PRKCQ: variants seen among roughly 807,000 people sequenced by gnomAD.
PRKCQ encodes the protein protein kinase C theta.
PRKCQ carries 41 observed loss-of-function variants against 91.2 expected under a neutral mutation model. The observed-to-expected ratio is 0.45, with a 90% CI of 0.35 to 0.58. PRKCQ has a LOEUF of 0.58. PRKCQ is among the 20% of genes least tolerant of loss of function. The pLI is 0.00. For missense variants in PRKCQ, 673 were observed against 896.5 expected, an observed-to-expected ratio of 0.75 and a Z score of 3.18; for synonymous variants, 307 against 316.9, an observed-to-expected ratio of 0.97 and a Z score of 0.33.
chr10:6,397,866 A>G, the PRKCQ span, among the ~76,000 whole-genome samples: 1 of 152,198 alleles, frequency 6.6e-6, no homozygotes, highest in South Asian at 2.1e-4. Flanking sequence ...TGGAGGTTGT[A>G]GTGAGCTGAG....
intron 16 of PRKCQ, among the ~76,000 whole-genome samples, chr10:6,434,125 C>T (rs970881268): frequency 5.3e-5 from 8 of 151,074 alleles, no homozygotes; most frequent in Non-Finnish European, 8.8e-5. Flanking sequence ...AATGATTGGT[C>T]TCTGCTTCTT....
chr10:6,551,815 T>A (rs1382631228), intron 1 of PRKCQ, among the ~76,000 whole-genome samples: 1 of 152,252 alleles, frequency 6.6e-6, no homozygotes, highest in Non-Finnish European at 1.5e-5. Context: ...GAACGATTTC[T>A]ATTCCTTCGG....
At chr10:6,494,119 C>A (rs1837464221) in intron 7 of PRKCQ, among the ~76,000 whole-genome samples, 1 of 152,168 alleles carries the variant, frequency 6.6e-6, no homozygotes, top group Non-Finnish European at 1.5e-5. Flanking sequence ...AGCCATCAAA[C>A]TCCATGGGGG....
chr10:6,458,650 C>A (rs1215369994), intron 14 of PRKCQ, among the ~76,000 whole-genome samples: 1 of 152,126 alleles, frequency 6.6e-6, no homozygotes, highest in Non-Finnish European at 1.5e-5. Flanking sequence ...GCTGGCTCCG[C>A]CTCACCATTT....
At chr10:6,446,149 C>T (rs1156337352) in intron 15 of PRKCQ, among the ~76,000 whole-genome samples, 1 of 152,068 alleles carries the variant, frequency 6.6e-6, no homozygotes. Context: ...TAAGAACCCC[C>T]CTGAGCTAGG....
chr10:6,516,307 G>A (rs585881), intron 1 of PRKCQ, among the ~76,000 whole-genome samples: 113,326 of 152,076 alleles, frequency 0.75, 43,009 homozygotes, highest in Admixed American at 0.85. Context: ...AGCTTTTGAC[G>A]GGCATTAATT....
chr10:6,472,851 T>C (rs1404181661), intron 12 of PRKCQ, among the ~76,000 whole-genome samples: 2 of 152,166 alleles, frequency 1.3e-5, no homozygotes, highest in African/African-American at 4.8e-5. Flanking sequence ...TAGCTGGGAT[T>C]ATAGGTGCCC....
At chr10:6,516,964 C>T (rs758405748) in intron 1 of PRKCQ, among the ~76,000 whole-genome samples, 23 of 152,154 alleles carry the variant, frequency 1.5e-4, no homozygotes, top group Non-Finnish European at 2.5e-4. Flanking sequence ...GCAGATTAAA[C>T]GGCCGTTTCA....
chr10:6,394,391 C>T, the PRKCQ span, among the ~76,000 whole-genome samples: 1 of 152,186 alleles, frequency 6.6e-6, no homozygotes, highest in African/African-American at 2.4e-5. Flanking sequence ...AGTCATTTTT[C>T]CCATTTGCCA....
chr10:6,545,506 A>G (rs984193087), intron 1 of PRKCQ, among the ~76,000 whole-genome samples: 3 of 152,224 alleles, frequency 2.0e-5, no homozygotes, highest in African/African-American at 7.2e-5. Flanking sequence ...CAAATGTTAA[A>G]CAGTTCCACT....
intron 1 of PRKCQ, among the ~76,000 whole-genome samples, chr10:6,547,608 C>G (rs916618340): frequency 2.0e-5 from 3 of 150,158 alleles, no homozygotes; most frequent in African/African-American, 7.3e-5. Context: ...CTTTGACAAA[C>G]CTGAGAAAAA....
chr10:6,464,396 G>T lies in PRKCQ; in HGVS notation c.1362C>A (p.Leu454=), dbSNP rs1426302118. 1.3e-6 allele frequency: 2 copies of T among 1,594,410 alleles called. No homozygotes were observed. The highest frequency in any genetic ancestry group is 4.5e-5 in the East Asian group (2 of 44,814). ...MFCTFQTKEN[L]FFVMEYLNGG... is the part of the protein sequence containing the mutation. ...CGTTGAGGTACTCCATCACAAAAAA[G>T]AGGTTTTCCTGTGGAAAAACAAAAC... Residue 454 remains leucine (L), a synonymous_variant, in exon 13 of 18, where the codon CTC becomes CTA. Transcript: ENST00000263125.
At chr10:6,504,364 A>G (rs1445279079) in intron 4 of PRKCQ, among the ~76,000 whole-genome samples, 1 of 152,140 alleles carries the variant, frequency 6.6e-6, no homozygotes, top group Non-Finnish European at 1.5e-5. Flanking sequence ...TTGCCCTCCA[A>G]CATCTGTCTC....
chr10:6,577,526 TTTAAA>T (rs1841288380), intron 1 of PRKCQ, among the ~76,000 whole-genome samples: 1 of 152,112 alleles, frequency 6.6e-6, no homozygotes, highest in South Asian at 2.1e-4. Context: ...ATTTCTCTAT[TTTAAA>T]TTACAGATTA....
At chr10:6,410,348 G>T in the PRKCQ span, among the ~76,000 whole-genome samples, 2 of 152,190 alleles carry the variant, frequency 1.3e-5, no homozygotes, top group Non-Finnish European at 2.9e-5. Flanking sequence ...TAAGTTAAAT[G>T]AACAAAGCTC....
At chr10:6,516,277 C>T (rs1275220129) in intron 1 of PRKCQ, among the ~76,000 whole-genome samples, 1 of 152,258 alleles carries the variant, frequency 6.6e-6, no homozygotes, top group Admixed American at 6.5e-5. Flanking sequence ...TCTTTGACTC[C>T]ACAAGAGAGA....
chr10:6,516,603 C>T (rs1020602934), intron 1 of PRKCQ, among the ~76,000 whole-genome samples: 1 of 152,174 alleles, frequency 6.6e-6, no homozygotes, highest in African/African-American at 2.4e-5. Flanking sequence ...TTCATTTCTC[C>T]ACAAATCAGG....
intron 1 of PRKCQ, among the ~76,000 whole-genome samples, chr10:6,525,213 T>TA (rs1304564855): frequency 6.6e-6 from 1 of 151,984 alleles, no homozygotes; most frequent in African/African-American, 2.4e-5. Context: ...ATAATTATAT[T>TA]AAAACTCATC....
chr10:6,435,300 T>C (rs988649861), intron 16 of PRKCQ, among the ~76,000 whole-genome samples: 2 of 152,236 alleles, frequency 1.3e-5, no homozygotes, highest in Non-Finnish European at 2.9e-5. Context: ...ATCCTCAGCT[T>C]TTCCGGAGGA....
Sources: gnomAD v4.1 joint callset for allele counts (sites outside exome capture counted in the v4.1 genomes callset) on GRCh38, gnomAD v4.1.1 for gene constraint, MANE v1.5 for transcripts, NCBI Gene and HGNC (gene_info 2026-07-23, HGNC 2026-07-21) for gene names.